DDR2: variants seen among roughly 807,000 people sequenced by gnomAD.
DDR2 encodes the protein discoidin domain receptor tyrosine kinase 2.
A neutral mutation model predicts 94.9 loss-of-function variants in DDR2; 27 were observed. That is an observed-to-expected ratio of 0.28 (90% CI 0.21 to 0.39). The LOEUF (loss-of-function observed/expected upper bound fraction) is 0.39. DDR2 is among the 10% of genes least tolerant of loss of function. The pLI, the probability that DDR2 is intolerant of heterozygous loss-of-function variation, is 1.00. For synonymous variants in DDR2, 382 were observed against 377.2 expected (o/e 1.01, Z -0.15); for missense variants, 783 against 1,076.0 (o/e 0.73, Z 3.81).
At chr1:162,671,569 A>T (rs780011457) in intron 2 of DDR2, among the ~76,000 whole-genome samples, 2 of 148,344 alleles carry the variant, frequency 1.3e-5, no homozygotes, top group African/African-American at 2.5e-5. Flanking sequence ...CCTTTCTGTG[A>T]CTCCCCTTTC....
chr1:162,765,854 C>A, intron 9 of DDR2, 147 bp from the exon 10 acceptor site: 1 of 770,264 alleles, frequency 1.3e-6, no homozygotes, highest in Non-Finnish European at 2.2e-6. Context: ...ATTTTTTATT[C>A]AACGTATTTA....
chr1:162,697,830 TCA>T (rs749448044), intron 2 of DDR2, among the ~76,000 whole-genome samples: 3 of 152,222 alleles, frequency 2.0e-5, no homozygotes, highest in African/African-American at 4.8e-5. Flanking sequence ...TTGCTTAAAC[TCA>T]CACAGTTAGT....
chr1:162,664,332 G>A (rs760874510), intron 2 of DDR2, among the ~76,000 whole-genome samples: 15 of 152,126 alleles, frequency 9.9e-5, no homozygotes, highest in South Asian at 6.2e-4. Flanking sequence ...GACAAGATAC[G>A]TGAATAACCT....
At chr1:162,681,082 C>T (rs1303830459) in intron 2 of DDR2, among the ~76,000 whole-genome samples, 1 of 152,320 alleles carries the variant, frequency 6.6e-6, no homozygotes. Context: ...TAAGCCTGGG[C>T]TCTGCTTCCC....
At chr1:162,725,127 A>G (rs971344281) in intron 3 of DDR2, among the ~76,000 whole-genome samples, 2 of 152,178 alleles carry the variant, frequency 1.3e-5, no homozygotes, top group East Asian at 1.9e-4. Flanking sequence ...TGGTGTCAAC[A>G]AATTTAATCT....
chr1:162,644,005 A>G (rs567656646), intron 1 of DDR2, among the ~76,000 whole-genome samples: 47 of 152,236 alleles, frequency 3.1e-4, no homozygotes, highest in African/African-American at 1.1e-3. Flanking sequence ...CTATTAAGAG[A>G]TATGATGCCT....
intron 2 of DDR2, among the ~76,000 whole-genome samples, chr1:162,702,258 T>G (rs1439701999): frequency 6.6e-6 from 1 of 152,166 alleles, no homozygotes; most frequent in African/African-American, 2.4e-5. Context: ...CCTTCTTGGA[T>G]TATTTCTTTC....
Position 162,660,537 on chromosome 1 carries a change from G to T in DDR2, c.-28+5163G>T, listed in dbSNP as rs139095979. ...GTAATTTGATTGGCCTTTGAGACTT[G>T]CTGGTCTCCAGATGTAATGTATACA... On this transcript the variant is annotated intron_variant, in intron 2 of 17. Coordinates refer to ENST00000367921, the MANE Select transcript of DDR2 (RefSeq NM_006182.4). 2.8e-4 allele frequency among the ~76,000 whole-genome samples: 42 copies of T among 152,308 alleles called. No homozygotes were observed. In the East Asian group the frequency reaches 7.7e-3, roughly 28 times the overall value.
chr1:162,707,662 T>G (rs1342590150), intron 2 of DDR2, among the ~76,000 whole-genome samples: 2 of 152,134 alleles, frequency 1.3e-5, no homozygotes, highest in Admixed American at 1.3e-4. Context: ...AGACTGACTT[T>G]TTGTTGTTGT....
chr1:162,665,618 C>T lies in DDR2; in HGVS notation c.-28+10244C>T, dbSNP rs141344133. 6.6e-3 allele frequency among the ~76,000 whole-genome samples: 993 copies of T among 150,784 alleles called. 14 individuals are homozygous for T. Among genetic ancestry groups the T allele is most frequent in the African/African-American group, 0.023 (930 of 40,962 alleles). ...GCTGCCTTTTATCAAAACTATGGCA[C>T]ATGTCAATGATATAACAGATAATAT... On this transcript the variant is annotated intron_variant, in intron 2 of 17. Coordinates refer to ENST00000367921, the MANE Select transcript of DDR2 (RefSeq NM_006182.4).
intron 3 of DDR2, among the ~76,000 whole-genome samples, chr1:162,721,925 A>G (rs1310879716): frequency 6.6e-6 from 1 of 152,248 alleles, no homozygotes; most frequent in Non-Finnish European, 1.5e-5. Context: ...AATAATAATT[A>G]GTTGAAGCTC....
chr1:162,765,592 T>C (rs1412330442), intron 9 of DDR2, among the ~76,000 whole-genome samples: 1 of 152,024 alleles, frequency 6.6e-6, no homozygotes, highest in African/African-American at 2.4e-5. Context: ...GAGACTCTTT[T>C]ATAAACAATC....
chr1:162,688,649 T>C (rs1659805764), intron 2 of DDR2, among the ~76,000 whole-genome samples: 1 of 152,244 alleles, frequency 6.6e-6, no homozygotes, highest in Non-Finnish European at 1.5e-5. Context: ...GTGTGGGTTA[T>C]GAATTCACCC....
At chr1:162,714,744 A>G (rs1351544298) in intron 2 of DDR2, among the ~76,000 whole-genome samples, 1 of 152,166 alleles carries the variant, frequency 6.6e-6, no homozygotes, top group Non-Finnish European at 1.5e-5. Flanking sequence ...CTTATGTACT[A>G]TAAGTTCCAT....
At chr1:162,779,721 G>A (rs1379542595) in intron 17 of DDR2, among the ~76,000 whole-genome samples, 2 of 152,166 alleles carry the variant, frequency 1.3e-5, no homozygotes, top group Admixed American at 6.5e-5. Context: ...TGAGATAAGT[G>A]AGTGGGCCAA....
At chr1:162,746,354 C>T (rs908963739) in intron 3 of DDR2, among the ~76,000 whole-genome samples, 7 of 152,212 alleles carry the variant, frequency 4.6e-5, no homozygotes, top group African/African-American at 1.4e-4. Flanking sequence ...CCCACGCCCA[C>T]GGAGCCTTGC....
chr1:162,772,049 C>T lies in DDR2; in HGVS notation c.1530C>T (p.Val510=), dbSNP rs751266189. ...GCTGCAGCGGTGTTGTGAAGCCAGT[C>T]CAGCCCAGTGGCCCTGAGGGGGTGC... The part of the protein sequence containing the change: ...ESGCSGVVKP[V]QPSGPEGVPH... The change falls in exon 13 of 18, where the codon GTC becomes GTT. Residue 510 remains valine (V), a synonymous_variant. Transcript: ENST00000367921. The T allele has an allele frequency of 8.1e-6, 13 of 1,611,392 alleles. No individual in the cohort carries two copies. In the East Asian group the frequency reaches 2.7e-4, roughly 33 times the overall value.
intron 1 of DDR2, among the ~76,000 whole-genome samples, chr1:162,644,750 C>T (rs536393367): frequency 6.6e-6 from 1 of 152,206 alleles, no homozygotes; most frequent in South Asian, 2.1e-4. Flanking sequence ...GCATGCACTA[C>T]CACACCTGGC....
At chr1:162,646,675 T>C (rs76117178) in intron 1 of DDR2, among the ~76,000 whole-genome samples, 2,139 of 152,328 alleles carry the variant, frequency 0.014, 18 homozygotes, top group Non-Finnish European at 0.021. Flanking sequence ...TGCTCTACAA[T>C]TATCCTCTTA....
Sources: allele counts gnomAD v4.1 joint callset (sites outside exome capture counted in the v4.1 genomes callset), GRCh38; gene constraint gnomAD v4.1.1; transcripts MANE v1.5; gene names NCBI Gene and HGNC (gene_info 2026-07-23, HGNC 2026-07-21).